CELF2: variants seen among roughly 807,000 people sequenced by gnomAD.
CELF2 encodes the protein CUG triplet repeat RNA-binding protein 2.
A neutral mutation model predicts 62.6 loss-of-function variants in CELF2; 8 were observed. The ratio of observed to expected loss-of-function variants is 0.13; its 90% CI spans 0.07 to 0.23. The LOEUF is 0.23. CELF2 is among the 10% of genes least tolerant of loss of function. The pLI, the probability that CELF2 is intolerant of heterozygous loss-of-function variation, is 1.00. For missense variants in CELF2, 333 were observed against 671.0 expected (o/e 0.50, Z 5.56); for synonymous variants, 258 against 250.0 (o/e 1.03, Z -0.30).
At chr10:10,559,105 T>C in the CELF2 span, among the ~76,000 whole-genome samples, 1 of 152,214 alleles carries the variant, frequency 6.6e-6, no homozygotes, top group Non-Finnish European at 1.5e-5. Context: ...CATGTGTTGC[T>C]GGCATTTACA....
intron 2 of CELF2, among the ~76,000 whole-genome samples, chr10:10,921,700 C>G (rs901701491): frequency 1.3e-5 from 2 of 152,130 alleles, no homozygotes; most frequent in Non-Finnish European, 2.9e-5. Context: ...ATGGGATCAG[C>G]TTGAGAGGAG....
intron 2 of CELF2, among the ~76,000 whole-genome samples, chr10:11,198,770 AT>A (rs1291443730): frequency 3.3e-5 from 5 of 152,154 alleles, no homozygotes; most frequent in South Asian, 4.1e-4. Flanking sequence ...AGCGTTGTAG[AT>A]TTTTTTGCAT....
At chr10:10,976,330 T>A (rs2051332807) in intron 2 of CELF2, among the ~76,000 whole-genome samples, 1 of 152,242 alleles carries the variant, frequency 6.6e-6, no homozygotes, top group African/African-American at 2.4e-5. Flanking sequence ...GGGTGATTTG[T>A]TGATCCAAGT....
At chr10:10,756,664 T>C in the CELF2 span, among the ~76,000 whole-genome samples, 17 of 152,304 alleles carry the variant, frequency 1.1e-4, no homozygotes, top group Admixed American at 9.8e-4. Flanking sequence ...TTTTATTGAT[T>C]CCTTTATTTT....
intron 9 of CELF2, among the ~76,000 whole-genome samples, chr10:11,307,211 C>G (rs1269375362): frequency 6.6e-6 from 1 of 152,266 alleles, no homozygotes; most frequent in African/African-American, 2.4e-5. Flanking sequence ...GAAGCACTCT[C>G]TAGAAGCGCG....
chr10:10,938,098 T>G lies in CELF2; in HGVS notation c.89+18099T>G, dbSNP rs556796497. ...CTAATTTGGAATAACTCAAGAGAGATAGAGGGGAGATGGGTAATACTGAAT... is the reference window on the plus strand; with the variant it reads ...CTAATTTGGAATAACTCAAGAGAGAGAGAGGGGAGATGGGTAATACTGAAT... On this transcript the variant is annotated intron_variant, in intron 2 of 13. Transcript: ENST00000636488. The surrounding 1 kb of genome is among the most constrained non-coding windows in gnomAD (Gnocchi z 4.2). 6.6e-6 allele frequency among the ~76,000 whole-genome samples: 1 copy of G among 152,254 alleles called. No individual in the cohort carries two copies.
chr10:10,970,205 A>G (rs2050616923), intron 2 of CELF2, among the ~76,000 whole-genome samples: 1 of 152,102 alleles, frequency 6.6e-6, no homozygotes, highest in Non-Finnish European at 1.5e-5. Context: ...AATAGCTGGG[A>G]TTACAGGTGT....
intron 1 of CELF2, among the ~76,000 whole-genome samples, chr10:11,048,006 C>T (rs1392197048): frequency 1.3e-5 from 2 of 152,128 alleles, no homozygotes; most frequent in South Asian, 4.1e-4. Flanking sequence ...AAACAAGCCC[C>T]TGAAGCCCTC....
chr10:10,489,825 C>T, the CELF2 span, among the ~76,000 whole-genome samples: 2 of 151,970 alleles, frequency 1.3e-5, no homozygotes, highest in South Asian at 2.1e-4. Context: ...AGCAAACAAC[C>T]TCATGAACTC....
the CELF2 span, among the ~76,000 whole-genome samples, chr10:10,778,349 CAG>C: frequency 6.6e-6 from 1 of 152,210 alleles, no homozygotes. Flanking sequence ...GAGTCGTACA[CAG>C]AGTCCTACAT....
chr10:10,554,366 CGTG>C, the CELF2 span, among the ~76,000 whole-genome samples: 1 of 152,078 alleles, frequency 6.6e-6, no homozygotes, highest in East Asian at 1.9e-4. Context: ...GGGTCTTTGG[CGTG>C]TTTGCACTCT....
Position 11,306,958 on chromosome 10 carries a change from GC to G in CELF2, c.977-7176del, listed in dbSNP as rs1487074894. Among the ~76,000 whole-genome samples, 9 of 152,134 alleles carry G rather than the reference GC, an allele frequency of 5.9e-5. No individual in the cohort carries two copies. Among genetic ancestry groups the G allele is most frequent in the African/African-American group, 1.4e-4 (6 of 41,414 alleles). On this transcript the variant is annotated intron_variant, in intron 9 of 12. Transcript: ENST00000633077. This position sits in a 1 kb window ranked among gnomAD's most constrained non-coding sequence, Gnocchi z 4.4. ...CTAGGCCGCCTCCACCTCTCCTATG[GC>G]CCCCTGAGCTAGGCTGCCCCATGCT...
intron 1 of CELF2, among the ~76,000 whole-genome samples, chr10:10,848,369 A>T (rs2059148338): frequency 6.6e-6 from 1 of 152,176 alleles, no homozygotes; most frequent in Non-Finnish European, 1.5e-5. Flanking sequence ...CGCCTTGAAT[A>T]TCGGGGTGGC....
At chr10:10,750,402 A>T in the CELF2 span, among the ~76,000 whole-genome samples, 1 of 152,260 alleles carries the variant, frequency 6.6e-6, no homozygotes, top group African/African-American at 2.4e-5. Context: ...AATGCAAAAA[A>T]TCAGAGAAAG....
At chr10:10,685,689 C>G in the CELF2 span, among the ~76,000 whole-genome samples, 1 of 152,170 alleles carries the variant, frequency 6.6e-6, no homozygotes, top group Non-Finnish European at 1.5e-5. Flanking sequence ...GATTTTATAG[C>G]TTAGGGCTCC....
rs147460533 is a variant in CELF2, at chr10:10,949,918, A to C, written c.89+29919A>C. On this transcript the variant is annotated intron_variant, in intron 2 of 13. Coordinates refer to the CELF2 transcript ENST00000636488. ...TTGGCTGAAAACCCTTATTTTGTCT[A>C]CCTGAGACACTCACATTCTTTTCAG... 3.3e-3 allele frequency among the ~76,000 whole-genome samples: 497 copies of C among 151,076 alleles called. 2 individuals are homozygous for C. Among genetic ancestry groups the C allele is most frequent in the African/African-American group, 0.012 (485 of 41,102 alleles).
the CELF2 span, among the ~76,000 whole-genome samples, chr10:10,485,146 G>C: frequency 1.3e-5 from 2 of 152,072 alleles, no homozygotes; most frequent in Non-Finnish European, 2.9e-5. Flanking sequence ...ATTGATAATA[G>C]ATTCAATTAC....
At chr10:11,015,674 C>T (rs1437382515), upstream of CELF2, among the ~76,000 whole-genome samples, 3 of 152,200 alleles carry the variant, frequency 2.0e-5, no homozygotes, top group Admixed American at 2.0e-4. The surrounding 1 kb of genome is among the most constrained non-coding windows in gnomAD (Gnocchi z 4.8). Context: ...AAGCAGTAAC[C>T]TATGCACTTG....
the CELF2 span, among the ~76,000 whole-genome samples, chr10:10,744,762 T>C: frequency 1.3e-5 from 2 of 152,070 alleles, no homozygotes; most frequent in Admixed American, 6.5e-5. Context: ...TGGTCAATTG[T>C]TATTAATTTT....
Sources: gnomAD v4.1 joint callset for allele counts (sites outside exome capture counted in the v4.1 genomes callset) on GRCh38, gnomAD v4.1.1 for gene constraint, Gnocchi (gnomAD v3.1) non-coding constraint, MANE v1.5 for transcripts, NCBI Gene and HGNC (gene_info 2026-07-23, HGNC 2026-07-21) for gene names.